GLP1R: variants seen among roughly 807,000 people sequenced by gnomAD.
The protein encoded by GLP1R is glucagon-like peptide 1 receptor.
Under a neutral mutation model 68.4 loss-of-function variants are expected in GLP1R, and 32 were observed. The ratio of observed to expected loss-of-function variants is 0.47; its 90% CI spans 0.35 to 0.63. The LOEUF (loss-of-function observed/expected upper bound fraction) is 0.63, where lower values mean the gene tolerates loss of function less well. Among genes scored for constraint, GLP1R ranks in the 20% least tolerant of loss-of-function variants. The pLI is 0.00. For synonymous variants in GLP1R, 263 were observed against 244.4 expected, an observed-to-expected ratio of 1.08 and a Z score of -0.71; for missense variants, 502 against 594.9, an observed-to-expected ratio of 0.84 and a Z score of 1.62.
rs955830540 is a variant in GLP1R, at chr6:39,085,278, C to G, written c.1225-628C>G. 2.6e-5 allele frequency among the ~76,000 whole-genome samples: 4 copies of G among 152,358 alleles called. No individual in the cohort carries two copies. The East Asian group carries it at 5.8e-4, about 22-fold the overall frequency. On this transcript the variant is annotated intron_variant, in intron 12 of 12. Coordinates refer to ENST00000373256, the MANE Select transcript of GLP1R (RefSeq NM_002062.5). The stretch of plus-strand genomic sequence containing the variant: ...ACAACAGGGATCCTGGCTGACTGAG[C>G]TCCCCTGGGCTGCACCCCCATGGTC...
Position 39,080,728 on chromosome 6 carries a change from G to A in GLP1R, c.1213G>A (p.Val405Ile), listed in dbSNP as rs1231379442. ...GLMVAILYCFVNNEVQLEFRK... is the reference protein window; with the variant it reads ...GLMVAILYCFINNEVQLEFRK... Reference sequence around the variant, plus strand: ...GATGGTGGCCATATTATACTGCTTTGTCAACAATGAGGTAAGCTCTGAGGA... The same window carrying A: ...GATGGTGGCCATATTATACTGCTTTATCAACAATGAGGTAAGCTCTGAGGA... Residue 405 changes from valine (V) to isoleucine (I), a missense_variant, in exon 12 of 13, where the codon GTC becomes ATC. Physicochemically the swap from Val to Ile is conservative, Grantham distance 29 (BLOSUM62 3). Coordinates refer to ENST00000373256, the MANE Select transcript of GLP1R (RefSeq NM_002062.5). The A allele has an allele frequency of 2.5e-6, 4 of 1,596,210 alleles. No individual in the cohort carries two copies. The African/African-American group carries it at 5.4e-5, about 22-fold the overall frequency.
chr6:39,057,722 T>G lies in GLP1R; in HGVS notation c.283+143T>G, dbSNP rs1247047940. The G allele has an allele frequency of 2.0e-5, 11 of 553,670 alleles. No homozygotes were observed. In the South Asian group the frequency reaches 2.1e-4, roughly 10 times the overall value. The allele number at this position is 553,670 out of a possible 1,614,324, so 34.3% of individuals were successfully genotyped here. On this transcript the variant is annotated intron_variant, in intron 3 of 12. Transcript: ENST00000373256. ...CCTGGGCCAGCAGTGGTGAGCCCCC[T>G]CCCTGACCTGGTACCTGCCCTGGGC...
intron 12 of GLP1R, 53 bp from the exon 13 acceptor site, chr6:39,085,853 G>T: frequency 3.2e-6 from 5 of 1,563,968 alleles, no homozygotes; most frequent in Non-Finnish European, 4.4e-6. Context: ...GGGCCATTTT[G>T]TTAGCCATTG....
At chr6:39,053,582 C>T (rs1422791729) in intron 1 of GLP1R, among the ~76,000 whole-genome samples, 1 of 152,180 alleles carries the variant, frequency 6.6e-6, no homozygotes, top group Non-Finnish European at 1.5e-5. Context: ...TTGACTGAGC[C>T]TTCTCCATGT....
At chr6:39,064,840 CT>C (rs1352525821) in intron 3 of GLP1R, among the ~76,000 whole-genome samples, 1 of 152,258 alleles carries the variant, frequency 6.6e-6, no homozygotes, top group South Asian at 2.1e-4. Flanking sequence ...TTTCTCAGGT[CT>C]TTTTTGTTTT....
chr6:39,086,362 G>T lies in GLP1R; in HGVS notation c.*289G>T, dbSNP rs10305514. ...GATCGCTGTGAAAATGAGGAGGATT[G>T]CTTCTTGTGAAACCACAGGCCCTTG... On this transcript the variant is annotated 3_prime_UTR_variant, in exon 13 of 13. Coordinates refer to ENST00000373256, the MANE Select transcript of GLP1R (RefSeq NM_002062.5). The surrounding 1 kb of genome is among the most constrained non-coding windows in gnomAD (Gnocchi z 4.5). 21,973 of 335,682 alleles carry T rather than the reference G, an allele frequency of 0.065. 931 individuals carry two copies. Among genetic ancestry groups the T allele is most frequent in the African/African-American group, 0.12 (5,455 of 47,406 alleles). 20.8% of individuals were successfully genotyped at this position (335,682 alleles called of 1,614,324 possible). A position where few individuals can be genotyped will look rare whatever the true frequency, so the allele number is the denominator to read the frequency against.
intron 1 of GLP1R, among the ~76,000 whole-genome samples, chr6:39,056,139 A>G (rs1210941096): frequency 3.9e-5 from 6 of 152,066 alleles, no homozygotes; most frequent in Non-Finnish European, 8.8e-5. Context: ...CAAAAGCATC[A>G]ATTTAGCAGA....
intron 5 of GLP1R, among the ~76,000 whole-genome samples, chr6:39,072,381 AG>A (rs1346556437): frequency 6.6e-6 from 1 of 152,238 alleles, no homozygotes; most frequent in Non-Finnish European, 1.5e-5. Context: ...CATTAGGTTA[AG>A]AAATGCCCCT....
At chr6:39,081,027 G>A (rs10305501) in intron 12 of GLP1R, among the ~76,000 whole-genome samples, 1 of 151,644 alleles carries the variant, frequency 6.6e-6, no homozygotes, top group East Asian at 1.9e-4. Context: ...GACCCTCTTT[G>A]CTTGGTGGTA....
chr6:39,065,947 G>T, intron 4 of GLP1R, 118 bp downstream of exon 4: 1 of 677,372 alleles, frequency 1.5e-6, no homozygotes. Context: ...CCATCTCCTT[G>T]CCTCTGGGGG....
Position 39,089,460 on chromosome 6 carries a change from G to A in GLP1R, c.*3387G>A, listed in dbSNP as rs1327911887. Reference sequence around the variant, plus strand: ...AGCAAAGATGGCACAGCACCACAAAGGGCAAATGGAGTCAACTCCCTTCCA... The same window carrying A: ...AGCAAAGATGGCACAGCACCACAAAAGGCAAATGGAGTCAACTCCCTTCCA... On this transcript the variant is annotated 3_prime_UTR_variant, in exon 13 of 13. Coordinates refer to ENST00000373256, the MANE Select transcript of GLP1R (RefSeq NM_002062.5). This position sits in a 1 kb window ranked among gnomAD's most constrained non-coding sequence, Gnocchi z 4.1. Among the ~76,000 whole-genome samples, 1 of 151,986 alleles carries A rather than the reference G, an allele frequency of 6.6e-6. No homozygotes were observed. Among genetic ancestry groups the A allele is most frequent in the Non-Finnish European group, 1.5e-5 (1 of 68,036 alleles).
chr6:39,082,222 C>G (rs955646817), intron 12 of GLP1R, among the ~76,000 whole-genome samples: 1 of 152,150 alleles, frequency 6.6e-6, no homozygotes, highest in Non-Finnish European at 1.5e-5. Context: ...GGAGGGAAAC[C>G]AAGGTCTCTT....
chr6:39,073,690 C>A lies in GLP1R; in HGVS notation c.744C>A (p.Gly248=). 1 of 1,612,072 alleles carries A rather than the reference C, an allele frequency of 6.2e-7. No individual in the cohort carries two copies. The highest frequency in any genetic ancestry group is 2.2e-5 in the East Asian group (1 of 44,872). The change falls in exon 7 of 13, where the codon GGC becomes GGA. Residue 248 remains glycine (G), a synonymous_variant. Coordinates refer to ENST00000373256, the MANE Select transcript of GLP1R (RefSeq NM_002062.5). ...ATTACTACTGGCTCTTGGTGGAGGG[C>A]GTGTACCTGTACACACTGCTGGCCT... is the stretch of plus-strand genomic sequence containing the variant. ...AANYYWLLVE[G]VYLYTLLAFS...
chr6:39,089,202 A>G lies in GLP1R; in HGVS notation c.*3129A>G, dbSNP rs972731934. Reference sequence around the variant, plus strand: ...GTCTTAAACTTAAGAAATGAAATGCATCAGGGCACACATATACATAGAAAC... The same window carrying G: ...GTCTTAAACTTAAGAAATGAAATGCGTCAGGGCACACATATACATAGAAAC... On this transcript the variant is annotated 3_prime_UTR_variant, in exon 13 of 13. Transcript: ENST00000373256. This position sits in a 1 kb window ranked among gnomAD's most constrained non-coding sequence, Gnocchi z 4.1. Among the ~76,000 whole-genome samples, 1 of 152,246 alleles carries G rather than the reference A, an allele frequency of 6.6e-6. No homozygotes were observed. The highest frequency in any genetic ancestry group is 6.5e-5 in the Admixed American group (1 of 15,292).
Position 39,057,533 on chromosome 6 carries a change from G to C in GLP1R, c.237G>C (p.Ser79=). Residue 79 remains serine (S), a synonymous_variant, in exon 3 of 13, where the codon TCG becomes TCC. Transcript: ENST00000373256. Reference sequence around the variant, plus strand: ...GCTGGCCAGATGGGGAGCCAGGCTCGTTCGTGAATGTCAGCTGCCCCTGGT... The same window carrying C: ...GCTGGCCAGATGGGGAGCCAGGCTCCTTCGTGAATGTCAGCTGCCCCTGGT... The part of the protein sequence containing the change: ...YACWPDGEPG[S]FVNVSCPWYL... 6.2e-7 allele frequency: 1 copy of C among 1,613,232 alleles called. No homozygotes were observed. The highest frequency in any genetic ancestry group is 1.1e-5 in the South Asian group (1 of 90,914).
rs891700428 is a variant in GLP1R at position 39,049,442 on chromosome 6, C to T, written c.78+524C>T. ...GGAGACCCGGCTCCTCTCCCTTTCT[C>T]ATCAGCCCCCAGCACAGCCTTTGAT... On this transcript the variant is annotated intron_variant, in intron 1 of 12. Coordinates refer to ENST00000373256, the MANE Select transcript of GLP1R (RefSeq NM_002062.5). This position sits in a 1 kb window ranked among gnomAD's most constrained non-coding sequence, Gnocchi z 4.5. Among the ~76,000 whole-genome samples, 4 of 152,176 alleles carry T rather than the reference C, an allele frequency of 2.6e-5. No homozygotes were observed. The highest frequency in any genetic ancestry group is 2.4e-5 in the African/African-American group (1 of 41,436).
At chr6:39,054,122 C>A (rs748764293) in intron 1 of GLP1R, among the ~76,000 whole-genome samples, 12 of 152,078 alleles carry the variant, frequency 7.9e-5, no homozygotes, top group Non-Finnish European at 1.5e-4. Flanking sequence ...CCAACCACTC[C>A]CTGAACACTT....
chr6:39,073,292 G>C (rs1768723908), intron 6 of GLP1R, among the ~76,000 whole-genome samples: 1 of 152,186 alleles, frequency 6.6e-6, no homozygotes, highest in Non-Finnish European at 1.5e-5. Context: ...AGACACACTT[G>C]AGTTTGAATG....
Position 39,054,216 on chromosome 6 carries a change from C to T in GLP1R, c.79-2181C>T, listed in dbSNP as rs142388675. On this transcript the variant is annotated intron_variant, in intron 1 of 12. Transcript: ENST00000373256. ...CCTGAAGACTCTCTCAGGCAGGGCT[C>T]CTGCAGTCACCTTTATACTCCCTGC... 1.6e-4 allele frequency among the ~76,000 whole-genome samples: 24 copies of T among 152,238 alleles called. No homozygotes were observed. The East Asian group carries it at 3.7e-3, about 23-fold the overall frequency.
Sources: allele counts gnomAD v4.1 joint callset (sites outside exome capture counted in the v4.1 genomes callset), GRCh38; gene constraint gnomAD v4.1.1; non-coding constraint Gnocchi (gnomAD v3.1); transcripts MANE v1.5; gene names NCBI Gene and HGNC (gene_info 2026-07-23, HGNC 2026-07-21).